RABL2A: variants seen among roughly 807,000 people sequenced by gnomAD.
The protein encoded by RABL2A is rab-like protein 2A.
A neutral mutation model predicts 30.7 loss-of-function variants in RABL2A; 17 were observed. The ratio of observed to expected loss-of-function variants is 0.55; its 90% CI spans 0.38 to 0.83. The LOEUF is 0.83. Among genes scored for constraint, RABL2A ranks in the 40% least tolerant of loss-of-function variants. The pLI, the probability that RABL2A is intolerant of heterozygous loss-of-function variation, is 0.00. For missense variants in RABL2A, 155 were observed against 272.6 expected (o/e 0.57, Z 3.04); for synonymous variants, 64 against 101.8 (o/e 0.63, Z 2.24).
intron 5 of RABL2A, chr2:113,640,216 G>A (rs921625912): frequency 1.3e-5 from 2 of 152,576 alleles, no homozygotes; most frequent in African/African-American, 2.4e-5. Context: ...TACTACAGAG[G>A]AACTTTAAAA....
rs201455591 is a variant in RABL2A at position 113,635,090 on chromosome 2, T to G, written c.257T>G (p.Met86Arg). 2.4e-5 allele frequency: 39 copies of G among 1,614,200 alleles called. No homozygotes were observed. The East Asian group carries it at 2.5e-4, about 10-fold the overall frequency. Residue 86 changes from methionine to arginine, a missense_variant, in exon 5 of 9, where the codon ATG becomes AGG. By Grantham distance (91) the Met-to-Arg change is moderately conservative (BLOSUM62 -1). This residue lies in a region of RABL2A where 82 missense variants were observed against 103.2 expected (regional missense o/e 0.79). Transcript: ENST00000683472. ...DTAGQERFQS[M>R]HASYYHKAHA... ...GCAGGCCAGGAGCGGTTCCAGAGCA[T>G]GCATGCCTCCTACTACCACAAGGCC...
intron 5 of RABL2A, chr2:113,635,408 A>C (rs927711171): frequency 5.4e-5 from 27 of 497,920 alleles, no homozygotes; most frequent in Non-Finnish European, 8.4e-5. Context: ...AACATGCCTG[A>C]AACAGGGCCA....
chr2:113,631,647 G>A (rs898032208), intron 2 of RABL2A, among the ~76,000 whole-genome samples: 5 of 152,108 alleles, frequency 3.3e-5, no homozygotes, highest in African/African-American at 7.2e-5. Context: ...GCTGCAGAAC[G>A]TTGGGAGGGA....
chr2:113,640,820 G>A (rs1684845516), intron 5 of RABL2A, 74 bp from the exon 6 acceptor site: 1 of 1,595,086 alleles, frequency 6.3e-7, no homozygotes, highest in Non-Finnish European at 8.5e-7. Flanking sequence ...CTGCTTGGGT[G>A]TGTGAGTCAC....
rs1685561732 is a variant in RABL2A at position 113,642,547 on chromosome 2, C to A, written c.*418C>A. The A allele has an allele frequency of 2.4e-5, 6 of 255,032 alleles. No homozygotes were observed. The highest frequency in any genetic ancestry group is 4.6e-5 in the Non-Finnish European group (6 of 130,130). The allele number at this position is 255,032 out of a possible 1,614,324, so 15.8% of individuals were successfully genotyped here. A position where few individuals can be genotyped will look rare whatever the true frequency, so the allele number is the denominator to read the frequency against. ...GGGCTTCTCCTGAGGTAATGATTACCCCCCCACCCACAGCTGAGTCTGTGA... is the reference window on the plus strand; with the variant it reads ...GGGCTTCTCCTGAGGTAATGATTACACCCCCACCCACAGCTGAGTCTGTGA... On this transcript the variant is annotated 3_prime_UTR_variant, in exon 9 of 9. Coordinates refer to ENST00000683472, the MANE Select transcript of RABL2A (RefSeq NM_001306158.2).
chr2:113,627,871 GGGCAGACCCCT>G (rs1433834704), intron 1 of RABL2A: 1 of 163,372 alleles, frequency 6.1e-6, no homozygotes, highest in African/African-American at 2.4e-5. Flanking sequence ...AGGTGAAAGG[GGGCAGACCCCT>G]CATCATGCTT....
intron 4 of RABL2A, chr2:113,634,617 C>T (rs1233064501): frequency 4.9e-6 from 2 of 409,032 alleles, no homozygotes; most frequent in East Asian, 1.1e-4. Context: ...CATTATCTCC[C>T]ACATCGGGCT....
At chr2:113,641,238 T>C (rs1434213044) in intron 6 of RABL2A, 115 bp from the exon 7 acceptor site, 3 of 1,542,836 alleles carry the variant, frequency 1.9e-6, no homozygotes, top group Non-Finnish European at 2.7e-6. Context: ...TTCTAGGACA[T>C]GTTTCCCAAT....
At chr2:113,635,434 A>C (rs556872120) in intron 5 of RABL2A, 187 of 446,956 alleles carry the variant, frequency 4.2e-4, no homozygotes, top group Middle Eastern at 2.8e-3. Flanking sequence ...CCTCTGATGG[A>C]CCTAACCTGT....
At chr2:113,636,944 G>A (rs573965304) in intron 5 of RABL2A, among the ~76,000 whole-genome samples, 20 of 151,052 alleles carry the variant, frequency 1.3e-4, no homozygotes, top group Admixed American at 2.6e-4. Flanking sequence ...AGCCGAGATC[G>A]CGCCACTGCA....
intron 5 of RABL2A, among the ~76,000 whole-genome samples, chr2:113,636,976 G>A (rs1683059642): frequency 6.8e-6 from 1 of 147,020 alleles, no homozygotes; most frequent in South Asian, 2.1e-4. Flanking sequence ...GCAACAGAGC[G>A]AGACTCTGTC....
chr2:113,630,819 G>A (rs2084244), intron 2 of RABL2A, among the ~76,000 whole-genome samples: 24 of 152,174 alleles, frequency 1.6e-4, no homozygotes, highest in Admixed American at 8.5e-4. Flanking sequence ...CATTACAGGT[G>A]TGAGCCACTG....
Position 113,642,660 on chromosome 2 carries a change from G to A in RABL2A, c.*531G>A. ...GTTTGTTTGTTTCTTTGTTCGTCCT[G>A]AGACGGAGTCTCGCTCTGTCGCCAG... is the stretch of plus-strand genomic sequence containing the variant. On this transcript the variant is annotated 3_prime_UTR_variant, in exon 9 of 9. Transcript: ENST00000683472. 4.8e-6 allele frequency: 1 copy of A among 207,794 alleles called. No individual in the cohort carries two copies. Among genetic ancestry groups the A allele is most frequent in the Non-Finnish European group, 9.8e-6 (1 of 102,238 alleles). The allele number at this position is 207,794 out of a possible 1,614,324, so 12.9% of individuals were successfully genotyped here.
intron 6 of RABL2A, 63 bp from the exon 7 acceptor site, chr2:113,641,290 G>A: frequency 6.2e-7 from 1 of 1,609,572 alleles, no homozygotes; most frequent in Non-Finnish European, 8.5e-7. Context: ...GGCCTCCAGT[G>A]GCCCCCCCTC....
rs1296901978 is a variant in RABL2A, at chr2:113,643,098, A to G, written c.*969A>G. 3.5e-5 allele frequency: 16 copies of G among 452,772 alleles called. No homozygotes were observed. The highest frequency in any genetic ancestry group is 7.1e-5 in the Non-Finnish European group (16 of 226,052). 28.0% of individuals were successfully genotyped at this position (452,772 alleles called of 1,614,324 possible). A position where few individuals can be genotyped will look rare whatever the true frequency, so the allele number is the denominator to read the frequency against. ...ACAAGCGGTAAAATCGAGTCCTTACAGCCATACCACAAGGTACGTCCATTT... is the reference window on the plus strand; with the variant it reads ...ACAAGCGGTAAAATCGAGTCCTTACGGCCATACCACAAGGTACGTCCATTT... On this transcript the variant is annotated 3_prime_UTR_variant, in exon 9 of 9. Coordinates refer to ENST00000683472, the MANE Select transcript of RABL2A (RefSeq NM_001306158.2).
chr2:113,628,822 A>C, intron 2 of RABL2A, 109 bp downstream of exon 2: 3 of 1,271,536 alleles, frequency 2.4e-6, no homozygotes, highest in Non-Finnish European at 3.3e-6. Context: ...GTGAAGGAGC[A>C]GTCTTGGCTG....
intron 5 of RABL2A, chr2:113,638,593 C>T (rs1006394855): frequency 4.2e-5 from 41 of 976,402 alleles, no homozygotes; most frequent in Middle Eastern, 1.0e-3. Context: ...ACAGGCTGGG[C>T]GCGGTGACTC....
At position 113,642,046 on chromosome 2, in the gene RABL2A, C is replaced by T. The variant is rs1685409029; in HGVS notation, c.607C>T (p.Gln203Ter). 1.2e-6 allele frequency: 2 copies of T among 1,612,520 alleles called. No individual in the cohort carries two copies. The highest frequency in any genetic ancestry group is 1.3e-5 in the African/African-American group (1 of 74,318). The stretch of plus-strand genomic sequence containing the variant: ...TTGTTCACAGAACTTCAGCTTGGAG[C>T]AGGAAGAGGAGGACGTGCCAGACCA... ...FQELENFSLE[Q>*]EEEDVPDQEQ... The change falls in exon 9 of 9, where the codon CAG becomes TAG. Residue 203 changes from glutamine (Q) to a stop codon, truncating the protein, a stop_gained. Transcript: ENST00000683472. LOFTEE classifies it high-confidence loss of function.
In RABL2A at chr2:113,635,595, G is replaced by A. The variant is rs2442137; in HGVS notation, c.297+465G>A. ...CCCCGAGCCTCCCATTGTGTTGCCC[G>A]GGACGCAGTCCTCACGGCTCCACCC... On this transcript the variant is annotated intron_variant, in intron 5 of 8. Transcript: ENST00000683472. 534 of 261,714 alleles carry A rather than the reference G, an allele frequency of 2.0e-3. 2 individuals carry two copies. Among genetic ancestry groups the A allele is most frequent in the African/African-American group, 0.011 (485 of 45,164 alleles). The allele number at this position is 261,714 out of a possible 1,614,324, so 16.2% of individuals were successfully genotyped here.
Sources: allele counts gnomAD v4.1 joint callset (sites outside exome capture counted in the v4.1 genomes callset), GRCh38; gene constraint gnomAD v4.1.1; regional missense constraint gnomAD v4.1.1; transcripts MANE v1.5; gene names NCBI Gene and HGNC (gene_info 2026-07-23, HGNC 2026-07-21).